OCIAD1: variants seen among roughly 807,000 people sequenced by gnomAD.
OCIAD1 encodes the protein OCIA domain containing 1, also known as OCIA domain-containing protein 1.
In OCIAD1, 29 loss-of-function variants were observed where a neutral mutation model predicts 38.9. The observed-to-expected ratio is 0.74, with a 90% CI of 0.55 to 1.02. The LOEUF (loss-of-function observed/expected upper bound fraction) is 1.02, where lower values mean the gene tolerates loss of function less well. OCIAD1 is among the 50% of genes least tolerant of loss of function. The probability of loss-of-function intolerance (pLI) is 0.00; values close to 1 mark genes in which losing one functional copy is unlikely to be tolerated. For missense variants in OCIAD1, 288 were observed against 289.6 expected, an observed-to-expected ratio of 0.99 and a Z score of 0.04; for synonymous variants, 110 against 92.0, an observed-to-expected ratio of 1.20 and a Z score of -1.12.
chr4:48,829,059 G>C (rs1447402440), upstream of OCIAD1, among the ~76,000 whole-genome samples: 4 of 152,076 alleles, frequency 2.6e-5, no homozygotes, highest in Admixed American at 2.6e-4. Flanking sequence ...CCAGGAATTG[G>C]AGACCAGGCT....
At chr4:48,841,263 C>G (rs1458299925) in intron 3 of OCIAD1, among the ~76,000 whole-genome samples, 1 of 152,192 alleles carries the variant, frequency 6.6e-6, no homozygotes, top group Non-Finnish European at 1.5e-5. Context: ...ACGTGTTTGC[C>G]AACCTCAGGT....
chr4:48,833,564 A>G (rs1777723636), intron 3 of OCIAD1, 83 bp downstream of exon 3: 2 of 820,234 alleles, frequency 2.4e-6, no homozygotes, highest in East Asian at 2.6e-5. Flanking sequence ...TGAAATTATA[A>G]TAACTCCGTA....
At chr4:48,855,041 T>G (rs186720452) in intron 7 of OCIAD1, among the ~76,000 whole-genome samples, 1 of 152,250 alleles carries the variant, frequency 6.6e-6, no homozygotes, top group Non-Finnish European at 1.5e-5. Context: ...CTCCCCAGTC[T>G]TCTTCTGTCT....
At chr4:48,847,742 A>G (rs1779095798) in intron 4 of OCIAD1, among the ~76,000 whole-genome samples, 1 of 152,134 alleles carries the variant, frequency 6.6e-6, no homozygotes, top group Non-Finnish European at 1.5e-5. Context: ...CTATTCTTGT[A>G]CTTAATACCA....
At chr4:48,810,772 C>T (rs962634552) in intron 1 of OCIAD1, among the ~76,000 whole-genome samples, 24 of 150,936 alleles carry the variant, frequency 1.6e-4, no homozygotes, top group Admixed American at 1.2e-3. Flanking sequence ...TAAGTGCTAC[C>T]GAAGTGGAGG....
At chr4:48,818,359 C>T (rs1777161553) in intron 1 of OCIAD1, among the ~76,000 whole-genome samples, 1 of 152,268 alleles carries the variant, frequency 6.6e-6, no homozygotes, top group African/African-American at 2.4e-5. Context: ...AACTAACGAA[C>T]AGAAAGCCAC....
chr4:48,839,324 T>C (rs192150057), intron 3 of OCIAD1, among the ~76,000 whole-genome samples: 17 of 152,140 alleles, frequency 1.1e-4, no homozygotes, highest in African/African-American at 4.1e-4. Flanking sequence ...TAGTCCCAGC[T>C]TCTTGGGAGG....
chr4:48,837,928 G>A (rs752506010), intron 3 of OCIAD1, among the ~76,000 whole-genome samples: 3 of 152,118 alleles, frequency 2.0e-5, no homozygotes, highest in Admixed American at 2.0e-4. Context: ...CAGGATGCCC[G>A]TGTATACCAG....
At chr4:48,852,408 C>A in intron 7 of OCIAD1, 1 of 153,578 alleles carries the variant, frequency 6.5e-6, no homozygotes. Context: ...TTTCAGCTTC[C>A]CTGTCTGTAA....
chr4:48,838,317 CAA>C (rs577293228), intron 3 of OCIAD1, among the ~76,000 whole-genome samples: 28 of 81,920 alleles, frequency 3.4e-4, no homozygotes, highest in Non-Finnish European at 2.3e-4. Flanking sequence ...GACTCCATCT[CAA>C]AAAAAAAAAA....
chr4:48,838,782 T>C (rs1778247590), intron 3 of OCIAD1, among the ~76,000 whole-genome samples: 1 of 152,230 alleles, frequency 6.6e-6, no homozygotes, highest in Non-Finnish European at 1.5e-5. Context: ...AAAATACTTA[T>C]CCTCTTCTAA....
chr4:48,849,060 C>T (rs1397251394), intron 5 of OCIAD1, among the ~76,000 whole-genome samples: 1 of 152,044 alleles, frequency 6.6e-6, no homozygotes, highest in Non-Finnish European at 1.5e-5. Context: ...AAACCAAACA[C>T]CGCATGTTCT....
intron 6 of OCIAD1, among the ~76,000 whole-genome samples, chr4:48,850,750 T>C (rs1779377416): frequency 2.0e-5 from 3 of 152,162 alleles, no homozygotes. Flanking sequence ...ATTTTTTGTA[T>C]TTTTTGAAGA....
chr4:48,847,569 G>A (rs1261004110), intron 4 of OCIAD1, among the ~76,000 whole-genome samples: 1 of 152,078 alleles, frequency 6.6e-6, no homozygotes, highest in Non-Finnish European at 1.5e-5. Context: ...TAAGCCATCT[G>A]GATTATTGTT....
intron 6 of OCIAD1, among the ~76,000 whole-genome samples, chr4:48,851,168 G>A (rs1460105141): frequency 6.6e-6 from 1 of 152,170 alleles, no homozygotes; most frequent in Non-Finnish European, 1.5e-5. Flanking sequence ...ATTGACATGG[G>A]AAACGGGCAT....
chr4:48,844,950 G>A (rs1450798094), intron 4 of OCIAD1, among the ~76,000 whole-genome samples: 1 of 152,064 alleles, frequency 6.6e-6, no homozygotes, highest in Non-Finnish European at 1.5e-5. Context: ...TACATGTTTA[G>A]TATAGATGCA....
At chr4:48,827,267 C>T (rs1292360453), upstream of OCIAD1, among the ~76,000 whole-genome samples, 1 of 152,166 alleles carries the variant, frequency 6.6e-6, no homozygotes, top group Non-Finnish European at 1.5e-5. Flanking sequence ...CATTTATATA[C>T]ATTAATGAGT....
intron 5 of OCIAD1, among the ~76,000 whole-genome samples, 160 bp from the exon 6 acceptor site, chr4:48,849,787 A>C (rs554622308): frequency 1.3e-5 from 2 of 152,248 alleles, no homozygotes; most frequent in Admixed American, 6.5e-5. Context: ...CTCTGATCTG[A>C]TTTAATTTTG....
chr4:48,812,106 C>A (rs1777094303), intron 1 of OCIAD1, among the ~76,000 whole-genome samples: 1 of 150,938 alleles, frequency 6.6e-6, no homozygotes, highest in African/African-American at 2.4e-5. Flanking sequence ...AAGGGTGAAA[C>A]CCTATCTCTA....
Sources: gnomAD v4.1 joint callset for allele counts (sites outside exome capture counted in the v4.1 genomes callset) on GRCh38, gnomAD v4.1.1 for gene constraint, MANE v1.5 for transcripts, NCBI Gene and HGNC (gene_info 2026-07-23, HGNC 2026-07-21) for gene names.